TASOR: variants seen among roughly 807,000 people sequenced by gnomAD.
TASOR encodes protein TASOR.
TASOR carries 53 observed loss-of-function variants against 178.6 expected under a neutral mutation model. That is an observed-to-expected ratio of 0.30 (90% CI 0.24 to 0.37). The LOEUF (loss-of-function observed/expected upper bound fraction) is 0.37. Among genes scored for constraint, TASOR ranks in the 10% least tolerant of loss-of-function variants. The probability of loss-of-function intolerance (pLI) is 1.00; values close to 1 mark genes in which losing one functional copy is unlikely to be tolerated. For missense variants in TASOR, 1,815 were observed against 1,971.4 expected (o/e 0.92, Z 1.50); for synonymous variants, 713 against 696.2 (o/e 1.02, Z -0.38).
At chr3:56,682,559 C>A in intron 1 of TASOR, 117 bp downstream of exon 1, 1 of 975,006 alleles carries the variant, frequency 1.0e-6, no homozygotes, top group Non-Finnish European at 1.4e-6. Context: ...GAGAGGCGGC[C>A]GGCGCTGCAT....
Position 56,638,628 on chromosome 3 carries a change from T to C in TASOR, c.2824+78A>G, listed in dbSNP as rs939730294. The C allele has an allele frequency of 3.1e-5, 45 of 1,461,708 alleles. No homozygotes were observed. In the Admixed American group the frequency reaches 6.9e-4, roughly 22 times the overall value. The allele number at this position is 1,461,708 out of a possible 1,614,324, so 90.5% of individuals were successfully genotyped here. A position where few individuals can be genotyped will look rare whatever the true frequency, so the allele number is the denominator to read the frequency against. On this transcript the variant is annotated intron_variant, in intron 17 of 23. Transcript: ENST00000683822. ...TAAAAAAATTTAAGTCAATGCCCTATTGATGGAGTATCAGAAATGCAAGTA... is the reference window on the plus strand; with the variant it reads ...TAAAAAAATTTAAGTCAATGCCCTACTGATGGAGTATCAGAAATGCAAGTA...
In TASOR at chr3:56,622,165, CATTAGTAACAAGTTAGTA is replaced by C. The variant is rs1283608812; in HGVS notation, c.*854_*871del. ...TTTCAAAAACATTTTTAAAAGTTAG[CATTAGTAACAAGTTAGTA>C]ATTAGTATTAGAGGCAGTAGTTAGG... On this transcript the variant is annotated 3_prime_UTR_variant, in exon 24 of 24. Transcript: ENST00000683822. 1 of 152,164 alleles carries C rather than the reference CATTAGTAACAAGTTAGTA, an allele frequency of 6.6e-6. No individual in the cohort carries two copies. The highest frequency in any genetic ancestry group is 6.5e-5 in the Admixed American group (1 of 15,274). 9.4% of individuals were successfully genotyped at this position (152,164 alleles called of 1,614,324 possible). A position where few individuals can be genotyped will look rare whatever the true frequency, so the allele number is the denominator to read the frequency against.
At chr3:56,625,724 G>A (rs1578182263) in intron 21 of TASOR, among the ~76,000 whole-genome samples, 1 of 151,128 alleles carries the variant, frequency 6.6e-6, no homozygotes, top group African/African-American at 2.4e-5. Flanking sequence ...TCACTCTGTC[G>A]CCGATTCTCC....
intron 14 of TASOR, among the ~76,000 whole-genome samples, chr3:56,642,015 AAT>A (rs1355397601): frequency 3.9e-5 from 6 of 152,340 alleles, no homozygotes; most frequent in Admixed American, 1.3e-4. Context: ...TTAGGTTTTA[AAT>A]ATGTGTATTA....
At chr3:56,666,996 G>T (rs1381757672) in intron 6 of TASOR, among the ~76,000 whole-genome samples, 1 of 152,148 alleles carries the variant, frequency 6.6e-6, no homozygotes, top group African/African-American at 2.4e-5. Flanking sequence ...AAGTAGTACA[G>T]TTCTTCAAAG....
chr3:56,668,060 T>C (rs1404722910), intron 6 of TASOR, among the ~76,000 whole-genome samples: 1 of 152,202 alleles, frequency 6.6e-6, no homozygotes, highest in African/African-American at 2.4e-5. Context: ...GCAAGAGATC[T>C]TTCTAGGCCA....
chr3:56,630,626 C>T lies in TASOR; in HGVS notation c.3748-2012G>A, dbSNP rs1221421612. Among the ~76,000 whole-genome samples, 8 of 152,202 alleles carry T rather than the reference C, an allele frequency of 5.3e-5. No homozygotes were observed. In the East Asian group the frequency reaches 1.5e-3, roughly 29 times the overall value. ...TGGGAGGCCAAGGCGGGCACATCACCTAAGGTCAGGAGTTCGAGACCAGCC... is the reference window on the plus strand; with the variant it reads ...TGGGAGGCCAAGGCGGGCACATCACTTAAGGTCAGGAGTTCGAGACCAGCC... On this transcript the variant is annotated intron_variant, in intron 18 of 23. Coordinates refer to ENST00000683822, the MANE Select transcript of TASOR (RefSeq NM_001365635.2).
chr3:56,631,311 G>A (rs2076906642), intron 18 of TASOR, among the ~76,000 whole-genome samples: 1 of 152,114 alleles, frequency 6.6e-6, no homozygotes, highest in African/African-American at 2.4e-5. Flanking sequence ...CATGTTAGTA[G>A]CTATAAAGCC....
chr3:56,638,377 A>G (rs2077058336), intron 17 of TASOR, among the ~76,000 whole-genome samples: 1 of 152,168 alleles, frequency 6.6e-6, no homozygotes, highest in South Asian at 2.1e-4. Context: ...AAAAAACCAA[A>G]AACAAAAAAA....
intron 11 of TASOR, among the ~76,000 whole-genome samples, chr3:56,656,927 T>C (rs1227000790): frequency 6.6e-6 from 1 of 151,486 alleles, no homozygotes. Context: ...GGAGAACTGC[T>C]TGAACCCAGG....
intron 18 of TASOR, chr3:56,628,863 C>T: frequency 1.6e-5 from 4 of 256,736 alleles, no homozygotes; most frequent in Admixed American, 5.5e-5. Context: ...CAGGCTCAAG[C>T]CACCCTCCCA....
chr3:56,629,176 T>C (rs1253430430), intron 18 of TASOR: 1 of 152,264 alleles, frequency 6.6e-6, no homozygotes, highest in African/African-American at 2.4e-5. Context: ...GTCACAATGT[T>C]ACAGCACTAT....
intron 18 of TASOR, among the ~76,000 whole-genome samples, chr3:56,631,138 G>T (rs1045414617): frequency 1.3e-5 from 2 of 152,136 alleles, no homozygotes; most frequent in African/African-American, 4.8e-5. Context: ...GGAATTCCTA[G>T]AAGTCTTATT....
At chr3:56,634,071 T>A in intron 17 of TASOR, 105 bp from the exon 18 acceptor site, 1 of 846,988 alleles carries the variant, frequency 1.2e-6, no homozygotes. Flanking sequence ...CATTTAGAAC[T>A]AATTATATAT....
rs1444227715 is a variant in TASOR at position 56,620,671 on chromosome 3, G to C, written c.*2366C>G. On this transcript the variant is annotated 3_prime_UTR_variant, in exon 24 of 24. Transcript: ENST00000683822. The stretch of plus-strand genomic sequence containing the variant: ...TTGAAGACAAACAGGGTTACTAAGA[G>C]TTTTACATAAGTTATTTCTTTAGAG... 1 of 152,192 alleles carries C rather than the reference G, an allele frequency of 6.6e-6. No homozygotes were observed. The highest frequency in any genetic ancestry group is 1.5e-5 in the Non-Finnish European group (1 of 68,040). The allele number at this position is 152,192 out of a possible 1,614,324, so 9.4% of individuals were successfully genotyped here. A position where few individuals can be genotyped will look rare whatever the true frequency, so the allele number is the denominator to read the frequency against.
rs371461108 is a variant in TASOR at position 56,682,931 on chromosome 3, C to T, written c.76G>A (p.Glu26Lys). Residue 26 changes from glutamate to lysine, a missense_variant, in exon 1 of 24, where the codon GAG (glutamate) becomes AAG (lysine). This residue lies in a region of TASOR where 244 missense variants were observed against 202.7 expected (regional missense o/e 1.20). Transcript: ENST00000683822. ...SWESGGGGDD[E>K]MKQALPELES... ...AGCTCCGGAAGCGCCTGCTTCATCT[C>T]GTCGTCTCCGCCGCCGCCACTTTCC... 6.5e-7 allele frequency: 1 copy of T among 1,538,928 alleles called. No individual in the cohort carries two copies. The highest frequency in any genetic ancestry group is 8.8e-7 in the Non-Finnish European group (1 of 1,137,768).
intron 11 of TASOR, among the ~76,000 whole-genome samples, chr3:56,652,774 A>C (rs1203707377): frequency 6.6e-6 from 1 of 152,224 alleles, no homozygotes; most frequent in East Asian, 1.9e-4. Flanking sequence ...TAACTTTTAA[A>C]AATAAAAAAC....
chr3:56,655,938 A>C (rs1559839586), intron 11 of TASOR, among the ~76,000 whole-genome samples: 1 of 152,226 alleles, frequency 6.6e-6, no homozygotes, highest in Non-Finnish European at 1.5e-5. Flanking sequence ...ATGAGATGGA[A>C]GTGAGGCTGA....
intron 1 of TASOR, among the ~76,000 whole-genome samples, chr3:56,680,628 C>T (rs2031700954): frequency 6.6e-6 from 1 of 152,102 alleles, no homozygotes; most frequent in South Asian, 2.1e-4. Flanking sequence ...CCACTAACTT[C>T]TCTCAGCTTG....
Sources: allele counts gnomAD v4.1 joint callset (sites outside exome capture counted in the v4.1 genomes callset), GRCh38; gene constraint gnomAD v4.1.1; regional missense constraint gnomAD v4.1.1; transcripts MANE v1.5; gene names NCBI Gene and HGNC (gene_info 2026-07-23, HGNC 2026-07-21).